The following SEM1 variants were observed in gnomAD, a reference collection of about 807,000 sequenced individuals.
The protein encoded by SEM1 is 26S proteasome complex subunit SEM1.
Under a neutral mutation model 12.7 loss-of-function variants are expected in SEM1, and 3 were observed. The ratio of observed to expected loss-of-function variants is 0.24; its 90% CI spans 0.11 to 0.61. The LOEUF is 0.61. Ranked by LOEUF, SEM1 falls within the 20% of genes least tolerant of loss-of-function variation. The probability of loss-of-function intolerance (pLI) is 0.88; values close to 1 mark genes in which losing one functional copy is unlikely to be tolerated. For missense variants in SEM1, 59 were observed against 81.3 expected, an observed-to-expected ratio of 0.73 and a Z score of 1.06; for synonymous variants, 30 against 27.8, an observed-to-expected ratio of 1.08 and a Z score of -0.25.
chr7:96,606,894 A>G (rs1369314086), intron 2 of SEM1, among the ~76,000 whole-genome samples: 1 of 152,150 alleles, frequency 6.6e-6, no homozygotes, highest in African/African-American at 2.4e-5. Flanking sequence ...TTTCTTTTAC[A>G]GTTTATTCTT....
At chr7:96,514,576 A>G (rs1804031941) in intron 2 of SEM1, among the ~76,000 whole-genome samples, 1 of 152,168 alleles carries the variant, frequency 6.6e-6, no homozygotes, top group African/African-American at 2.4e-5. Context: ...GCAGGATGTG[A>G]GGTTAATATA....
chr7:96,612,802 A>T lies in SEM1; in HGVS notation c.170+81996T>A, dbSNP rs574758794. On this transcript the variant is annotated intron_variant and NMD_transcript_variant, in intron 2 of 3. Coordinates refer to the SEM1 transcript ENST00000466986. ...AGGCGCCTGCCACCACACCCGGCTA[A>T]TTTTTTGTATTTTTAGTAGAGACAG... Among the ~76,000 whole-genome samples the T allele has an allele frequency of 9.2e-5, 14 of 152,018 alleles. No homozygotes were observed. The East Asian group carries it at 2.1e-3, about 23-fold the overall frequency.
At chr7:96,531,057 C>T (rs1804625552) in intron 2 of SEM1, among the ~76,000 whole-genome samples, 2 of 152,162 alleles carry the variant, frequency 1.3e-5, no homozygotes, top group African/African-American at 2.4e-5. Context: ...GGGAAAAAGA[C>T]TATCTTCTAG....
At chr7:96,502,877 A>G (rs1217358918) in intron 3 of SEM1, among the ~76,000 whole-genome samples, 1 of 152,208 alleles carries the variant, frequency 6.6e-6, no homozygotes, top group Non-Finnish European at 1.5e-5. Flanking sequence ...ACTTCACCAT[A>G]AGAGGCATTC....
At chr7:96,513,970 C>A (rs1051235538) in intron 2 of SEM1, among the ~76,000 whole-genome samples, 3 of 151,902 alleles carry the variant, frequency 2.0e-5, no homozygotes, top group African/African-American at 7.3e-5. Flanking sequence ...ACTCCCATAT[C>A]AATTCATACA....
chr7:96,549,305 G>C (rs1805194241), intron 2 of SEM1, among the ~76,000 whole-genome samples: 2 of 152,126 alleles, frequency 1.3e-5, no homozygotes, highest in Non-Finnish European at 2.9e-5. Flanking sequence ...TTCCCTACTT[G>C]AGTGTTTGCC....
chr7:96,694,884 A>C lies in SEM1; in HGVS notation c.84T>G (p.Ala28=). ...GTGCATCTTCATCTTCATCTAAGCCAGCCCAGTCTAAAAATAGAAACAGAT... is the reference window on the plus strand; with the variant it reads ...GTGCATCTTCATCTTCATCTAAGCCCGCCCAGTCTAAAAATAGAAACAGAT... The part of the protein sequence containing the change: ...EFEEFPAEDW[A]GLDEDEDAHV... Residue 28 remains alanine (A), a synonymous_variant, in exon 2 of 3, where the codon GCT becomes GCG. Transcript: ENST00000248566. The C allele has an allele frequency of 6.2e-7, 1 of 1,605,662 alleles. No homozygotes were observed. The highest frequency in any genetic ancestry group is 8.5e-7 in the Non-Finnish European group (1 of 1,173,396).
At chr7:96,636,847 C>G (rs1316454901) in intron 2 of SEM1, among the ~76,000 whole-genome samples, 1 of 152,010 alleles carries the variant, frequency 6.6e-6, no homozygotes, top group Admixed American at 6.6e-5. Context: ...TTTGGAGATT[C>G]ACTGGATTGG....
chr7:96,602,883 A>G (rs1807235677), intron 2 of SEM1, among the ~76,000 whole-genome samples: 6 of 152,230 alleles, frequency 3.9e-5, no homozygotes, highest in Admixed American at 2.6e-4. Context: ...ATGATCAAAT[A>G]GAAGGTGACG....
At chr7:96,502,849 A>G (rs1803614309) in intron 3 of SEM1, among the ~76,000 whole-genome samples, 1 of 152,216 alleles carries the variant, frequency 6.6e-6, no homozygotes, top group African/African-American at 2.4e-5. Context: ...GGCCAAATGA[A>G]TGTGGACAAG....
chr7:96,492,022 C>T (rs1803028703), intron 1 of SEM1, among the ~76,000 whole-genome samples: 1 of 152,108 alleles, frequency 6.6e-6, no homozygotes, highest in Non-Finnish European at 1.5e-5. Flanking sequence ...TTGGTTTGCC[C>T]TCAGTGTTTA....
downstream of SEM1, among the ~76,000 whole-genome samples, chr7:96,684,342 G>A (rs149150468): frequency 7.0e-4 from 107 of 152,090 alleles, no homozygotes; most frequent in African/African-American, 2.1e-3. Flanking sequence ...TCACTTGTAC[G>A]GGGCACGGGA....
At chr7:96,602,170 T>G (rs893698120) in intron 2 of SEM1, among the ~76,000 whole-genome samples, 1 of 152,110 alleles carries the variant, frequency 6.6e-6, no homozygotes, top group African/African-American at 2.4e-5. Context: ...AGATATAAAT[T>G]TGGGAGCCAT....
intron 2 of SEM1, among the ~76,000 whole-genome samples, chr7:96,562,679 AC>A (rs1805725875): frequency 6.6e-6 from 1 of 152,166 alleles, no homozygotes; most frequent in South Asian, 2.1e-4. Flanking sequence ...GGATAGGAAA[AC>A]TGGAATAAAG....
chr7:96,592,865 T>C (rs140516647), intron 2 of SEM1, among the ~76,000 whole-genome samples: 1 of 151,982 alleles, frequency 6.6e-6, no homozygotes, highest in Non-Finnish European at 1.5e-5. Context: ...AGGGGGCATG[T>C]TTGTTAGCTG....
At chr7:96,521,507 A>T (rs933555814) in intron 2 of SEM1, among the ~76,000 whole-genome samples, 2 of 152,092 alleles carry the variant, frequency 1.3e-5, no homozygotes, top group East Asian at 3.9e-4. Flanking sequence ...GGGGCAATTC[A>T]TCTTTTACTA....
intron 2 of SEM1, among the ~76,000 whole-genome samples, chr7:96,608,419 T>C (rs932124401): frequency 1.3e-5 from 2 of 152,236 alleles, no homozygotes; most frequent in South Asian, 4.1e-4. Context: ...TAAAAAGTCA[T>C]TTTATTGAGA....
exon 4 of SEM1, chr7:96,483,089 T>C (rs1370931072): frequency 6.6e-6 from 1 of 152,212 alleles, no homozygotes; most frequent in African/African-American, 2.4e-5. Flanking sequence ...TAAGGCTAAC[T>C]ACCATTTACT....
chr7:96,488,264 G>T (rs1010201464), intron 1 of SEM1, among the ~76,000 whole-genome samples: 2 of 152,068 alleles, frequency 1.3e-5, no homozygotes, highest in South Asian at 4.1e-4. Flanking sequence ...TGGGTGCATG[G>T]GATGAGTACC....
Sources: gnomAD v4.1 joint callset for allele counts (sites outside exome capture counted in the v4.1 genomes callset) on GRCh38, gnomAD v4.1.1 for gene constraint, MANE v1.5 for transcripts, NCBI Gene and HGNC (gene_info 2026-07-23, HGNC 2026-07-21) for gene names.